ARHGDIB: variants seen among roughly 807,000 people sequenced by gnomAD.
ARHGDIB encodes the protein rho GDP-dissociation inhibitor 2.
Under a neutral mutation model 22.6 loss-of-function variants are expected in ARHGDIB, and 20 were observed. That is an observed-to-expected ratio of 0.88 (90% CI 0.62 to 1.28). The LOEUF is 1.28. Ranked by LOEUF, ARHGDIB falls within the 50% of genes most tolerant of loss-of-function variation. The pLI, the probability that ARHGDIB is intolerant of heterozygous loss-of-function variation, is 0.00. For synonymous variants in ARHGDIB, 114 were observed against 96.1 expected (o/e 1.19, Z -1.09); for missense variants, 254 against 245.4 (o/e 1.04, Z -0.23).
chr12:14,959,282 G>T lies in ARHGDIB; in HGVS notation c.-13+2255C>A, dbSNP rs76703725. On this transcript the variant is annotated intron_variant, in intron 1 of 5. Transcript: ENST00000228945. ...AAAAATGGTAAAATTAGCCAGCGTG[G>T]TGATGCGCGCCTATAGTCCCAGCTA... is the stretch of plus-strand genomic sequence containing the variant. 5.8e-3 allele frequency among the ~76,000 whole-genome samples: 886 copies of T among 152,282 alleles called. 7 individuals are homozygous for T. The highest frequency in any genetic ancestry group is 7.9e-3 in the Non-Finnish European group (540 of 68,008).
At chr12:14,944,677 AT>A in intron 5 of ARHGDIB, 98 bp downstream of exon 5, 1 of 1,160,534 alleles carries the variant, frequency 8.6e-7, no homozygotes, top group Non-Finnish European at 1.2e-6. Flanking sequence ...CTTTTATTGT[AT>A]TCTCATCTGA....
At chr12:14,948,034 T>C (rs1003718516) in intron 3 of ARHGDIB, 85 bp from the exon 4 acceptor site, 9 of 1,146,136 alleles carry the variant, frequency 7.9e-6, no homozygotes, top group Admixed American at 3.5e-5. Context: ...GAAAAATTTG[T>C]TGGGCCCACG....
intron 5 of ARHGDIB, among the ~76,000 whole-genome samples, chr12:14,943,920 T>A (rs1194809784): frequency 6.6e-6 from 1 of 152,240 alleles, no homozygotes; most frequent in Admixed American, 6.5e-5. Context: ...TTAAACTTTT[T>A]TTTCATGAGA....
intron 1 of ARHGDIB, among the ~76,000 whole-genome samples, chr12:14,958,779 T>C (rs578076417): frequency 1.1e-3 from 172 of 152,306 alleles, no homozygotes; most frequent in Non-Finnish European, 2.1e-3. Context: ...AGTGAATTTT[T>C]ACCAGCGGTA....
At chr12:14,942,869 C>A in intron 5 of ARHGDIB, 148 bp from the exon 6 acceptor site, 1 of 652,818 alleles carries the variant, frequency 1.5e-6, no homozygotes, top group Non-Finnish European at 2.5e-6. Context: ...TTACCTGAGG[C>A]ATCTTTTTTT....
intron 1 of ARHGDIB, among the ~76,000 whole-genome samples, chr12:14,953,280 T>C (rs539040377): frequency 6.6e-6 from 1 of 152,282 alleles, no homozygotes; most frequent in South Asian, 2.1e-4. Context: ...GGTTTAATTA[T>C]AGCATAAGAA....
At chr12:14,947,654 A>C in intron 4 of ARHGDIB, 1 of 521,370 alleles carries the variant, frequency 1.9e-6, no homozygotes, top group Non-Finnish European at 3.4e-6. Context: ...TTAAGAGATA[A>C]TGAAGAGTTT....
intron 3 of ARHGDIB, 82 bp from the exon 4 acceptor site, chr12:14,948,031 T>C (rs1374215051): frequency 5.1e-6 from 6 of 1,178,942 alleles, no homozygotes; most frequent in Admixed American, 1.7e-5. Context: ...CCGGAAAAAT[T>C]TGTTGGGCCC....
intron 4 of ARHGDIB, among the ~76,000 whole-genome samples, chr12:14,947,055 G>T (rs1054787786): frequency 3.9e-5 from 6 of 151,996 alleles, no homozygotes; most frequent in Non-Finnish European, 7.4e-5. Context: ...GGGGAAAAAA[G>T]TTCCCAGTGT....
intron 1 of ARHGDIB, among the ~76,000 whole-genome samples, chr12:14,955,399 G>T (rs1189732940): frequency 1.3e-5 from 2 of 152,164 alleles, no homozygotes; most frequent in East Asian, 3.8e-4. Context: ...ATTAACAAGA[G>T]ATTGATATCG....
At chr12:14,944,872 T>C in intron 4 of ARHGDIB, 33 bp from the exon 5 acceptor site, 2 of 1,593,880 alleles carry the variant, frequency 1.3e-6, no homozygotes, top group Non-Finnish European at 1.7e-6. Context: ...ATGTTCAGAT[T>C]AAGAGGGTCT....
At position 14,955,310 on chromosome 12, in the gene ARHGDIB, T is replaced by A. The variant is rs114715635; in HGVS notation, c.-12-4586A>T. Among the ~76,000 whole-genome samples the A allele has an allele frequency of 4.6e-3, 695 of 152,304 alleles. 1 individual carries two copies. Among genetic ancestry groups the A allele is most frequent in the African/African-American group, 0.016 (653 of 41,554 alleles). ...TTTCAATTACACAAGCATTTAAAAT[T>A]CCTTTCCTAATATCACCCTATAGAC... On this transcript the variant is annotated intron_variant, in intron 1 of 5. Coordinates refer to ENST00000228945, the MANE Select transcript of ARHGDIB (RefSeq NM_001175.7).
chr12:14,949,486 A>G (rs1365975954), intron 3 of ARHGDIB, among the ~76,000 whole-genome samples: 1 of 152,162 alleles, frequency 6.6e-6, no homozygotes, highest in Non-Finnish European at 1.5e-5. Context: ...GAAGCACACA[A>G]TTTGTTTCTT....
At chr12:14,958,662 T>C (rs1399148734) in intron 1 of ARHGDIB, among the ~76,000 whole-genome samples, 1 of 152,224 alleles carries the variant, frequency 6.6e-6, no homozygotes, top group African/African-American at 2.4e-5. Flanking sequence ...AGTATCTCAA[T>C]ATATTCACAA....
chr12:14,953,883 GTCTC>G (rs546574121), intron 1 of ARHGDIB, among the ~76,000 whole-genome samples: 1 of 140,492 alleles, frequency 7.1e-6, no homozygotes, highest in Non-Finnish European at 1.6e-5. Context: ...TTCTTTCTTT[GTCTC>G]TCTCTCTCCC....
rs1165558712 is a variant in ARHGDIB, at chr12:14,950,686, A to T, written c.27T>A (p.His9Gln). ...GCTCATCATCGTCATCCTCCTCCAC[A>T]TGTGGCTCTGGGGCTTTTTCAGTCA... MTEKAPEP[H>Q]VEEDDDDELD... The change falls in exon 2 of 6, where the codon CAT (histidine) becomes CAA (glutamine). Residue 9 changes from histidine to glutamine, a missense_variant. His to Gln is a conservative substitution (Grantham distance 24). Coordinates refer to ENST00000228945, the MANE Select transcript of ARHGDIB (RefSeq NM_001175.7). 1 of 1,612,358 alleles carries T rather than the reference A, an allele frequency of 6.2e-7. No individual in the cohort carries two copies. Among genetic ancestry groups the T allele is most frequent in the Non-Finnish European group, 8.5e-7 (1 of 1,179,412 alleles).
chr12:14,952,021 C>G (rs1156808235), intron 1 of ARHGDIB, among the ~76,000 whole-genome samples: 1 of 152,074 alleles, frequency 6.6e-6, no homozygotes, highest in Non-Finnish European at 1.5e-5. Flanking sequence ...TTCTGATTTC[C>G]TTAATTCTAT....
At position 14,942,553 on chromosome 12, in the gene ARHGDIB, T is replaced by C; in HGVS notation, c.575A>G (p.Asn192Ser). Residue 192 changes from asparagine (N) to serine (S), a missense_variant, in exon 6 of 6, where the codon AAC becomes AGC. Asn to Ser is a conservative substitution (Grantham distance 46). Transcript: ENST00000228945. ...DKQDHLSWEW[N>S]LSIKKEWTE is the part of the protein sequence containing the mutation. The stretch of plus-strand genomic sequence containing the variant: ...TGTCCACTCCTTCTTAATCGACAGG[T>C]TCCACTCCCAGCTGAGGTGGTCTTG... 1 of 1,614,100 alleles carries C rather than the reference T, an allele frequency of 6.2e-7. No individual in the cohort carries two copies. Among genetic ancestry groups the C allele is most frequent in the Non-Finnish European group, 8.5e-7 (1 of 1,180,012 alleles).
chr12:14,959,752 A>G (rs1388824108), intron 1 of ARHGDIB, among the ~76,000 whole-genome samples: 1 of 152,192 alleles, frequency 6.6e-6, no homozygotes, highest in East Asian at 1.9e-4. Context: ...CTCCAAAGCA[A>G]GGAAGGACCA....
Sources: gnomAD v4.1 joint callset for allele counts (sites outside exome capture counted in the v4.1 genomes callset) on GRCh38, gnomAD v4.1.1 for gene constraint, MANE v1.5 for transcripts, NCBI Gene and HGNC (gene_info 2026-07-23, HGNC 2026-07-21) for gene names.